Variants in KIF20B observed in about 807,000 individuals in gnomAD.
The protein encoded by KIF20B is kinesin family member 20B.
KIF20B carries 188 observed loss-of-function variants against 232.5 expected under a neutral mutation model. The observed-to-expected ratio is 0.81, with a 90% CI of 0.72 to 0.91. KIF20B has a LOEUF of 0.91. KIF20B is among the 40% of genes least tolerant of loss of function. KIF20B has a pLI of 0.00. For synonymous variants in KIF20B, 712 were observed against 683.0 expected (o/e 1.04, Z -0.66); for missense variants, 2,154 against 2,055.9 (o/e 1.05, Z -0.92).
intron 29 of KIF20B, 94 bp from the exon 30 acceptor site, chr10:89,768,196 T>G: frequency 2.6e-6 from 2 of 770,502 alleles, no homozygotes. Flanking sequence ...CTGTTTTAAG[T>G]GATAATGTAG....
chr10:89,736,732 GCA>G (rs1303162961), intron 19 of KIF20B, among the ~76,000 whole-genome samples: 1 of 152,064 alleles, frequency 6.6e-6, no homozygotes, highest in Admixed American at 6.6e-5. Context: ...TCTATCCAAT[GCA>G]CAGTGTCGTC....
chr10:89,756,196 C>T (rs1405052106), intron 26 of KIF20B, among the ~76,000 whole-genome samples: 1 of 152,164 alleles, frequency 6.6e-6, no homozygotes, highest in Non-Finnish European at 1.5e-5. Context: ...AAAAAGTTTA[C>T]TTTTTCATGA....
intron 7 of KIF20B, 85 bp from the exon 8 acceptor site, chr10:89,714,870 G>A (rs1038170849): frequency 4.7e-5 from 39 of 830,064 alleles, no homozygotes; most frequent in African/African-American, 3.8e-4. Context: ...GGTTTTTCAA[G>A]TGTGAGAATC....
At chr10:89,773,887 G>A (rs757168330) in intron 32 of KIF20B, 84 bp from the exon 33 acceptor site, 4 of 710,596 alleles carry the variant, frequency 5.6e-6, no homozygotes, top group Admixed American at 2.9e-5. Flanking sequence ...CTAAGCACAT[G>A]AACATGTCTT....
At chr10:89,719,102 A>AT (rs933980407) in intron 12 of KIF20B, among the ~76,000 whole-genome samples, 8 of 152,180 alleles carry the variant, frequency 5.3e-5, no homozygotes, top group Non-Finnish European at 8.8e-5. Flanking sequence ...ATTAATGAGT[A>AT]TTTTTGGAAT....
chr10:89,718,871 AAG>A lies in KIF20B; in HGVS notation c.1434_1434+1del. 1 of 1,521,880 alleles carries A rather than the reference AAG, an allele frequency of 6.6e-7. No homozygotes were observed. The highest frequency in any genetic ancestry group is 1.4e-5 in the African/African-American group (1 of 70,860). 94.3% of individuals were successfully genotyped at this position (1,521,880 alleles called of 1,614,324 possible). Reference sequence around the variant, plus strand: ...TTGAAGTTCTCCGCCATTGCACAAAAAGTAAATATTTATTTTATTAAGCCTCT... The same window carrying A: ...TTGAAGTTCTCCGCCATTGCACAAAATAAATATTTATTTTATTAAGCCTCT... On this transcript the variant is annotated splice_donor_variant and coding_sequence_variant, in exon 12 of 33. Transcript: ENST00000371728. LOFTEE classifies it high-confidence loss of function.
Position 89,711,064 on chromosome 10 carries a change from C to A in KIF20B, c.594C>A (p.Ser198=). The change falls in exon 6 of 33, where the codon TCC becomes TCA. Residue 198 remains serine (S), a synonymous_variant. Transcript: ENST00000371728. Reference sequence around the variant, plus strand: ...AGATGAACCTTAAACCACATAGATCCAGAGAATACTTAAGGTTATCATCAG... The same window carrying A: ...AGATGAACCTTAAACCACATAGATCAAGAGAATACTTAAGGTTATCATCAG... The part of the protein sequence containing the change: ...YTKMNLKPHR[S]REYLRLSSEQ... 1 of 1,606,474 alleles carries A rather than the reference C, an allele frequency of 6.2e-7. No individual in the cohort carries two copies. Among genetic ancestry groups the A allele is most frequent in the Non-Finnish European group, 8.5e-7 (1 of 1,175,348 alleles).
At chr10:89,768,536 T>C (rs1473332396) in intron 30 of KIF20B, 145 bp downstream of exon 30, 5 of 713,178 alleles carry the variant, frequency 7.0e-6, no homozygotes, top group Non-Finnish European at 1.2e-5. Flanking sequence ...ATCTACTTTA[T>C]GTGTTTACTT....
chr10:89,751,214 C>G, intron 23 of KIF20B, 132 bp from the exon 24 acceptor site: 1 of 668,118 alleles, frequency 1.5e-6, no homozygotes. Flanking sequence ...ATGAATAAGA[C>G]AAAGTTTCTG....
At position 89,709,248 on chromosome 10, in the gene KIF20B, T is replaced by C. The variant is rs140554027; in HGVS notation, c.229T>C (p.Ser77Pro). The C allele has an allele frequency of 1.3e-4, 202 of 1,607,034 alleles. 1 individual carries two copies. Among genetic ancestry groups the C allele is most frequent in the South Asian group, 1.0e-4 (9 of 89,836 alleles). ...PFTQSEKELE[S>P]EGCVHILDSQ... ...TACACAGTCAGAAAAAGAACTTGAG[T>C]CTGAGGTTTGTGTTGAATTTAATAG... is the stretch of plus-strand genomic sequence containing the variant. Residue 77 changes from serine (S) to proline (P), a missense_variant, in exon 3 of 33, where the codon TCT becomes CCT. Transcript: ENST00000371728.
At chr10:89,730,612 CA>C (rs1843298423) in intron 18 of KIF20B, among the ~76,000 whole-genome samples, 1 of 152,010 alleles carries the variant, frequency 6.6e-6, no homozygotes, top group African/African-American at 2.4e-5. Flanking sequence ...ATTGGCCTTC[CA>C]TGTACCAGAA....
At chr10:89,744,144 G>C (rs765311754) in intron 22 of KIF20B, among the ~76,000 whole-genome samples, 24 of 151,786 alleles carry the variant, frequency 1.6e-4, no homozygotes, top group Non-Finnish European at 3.2e-4. Flanking sequence ...CTATGGAAAA[G>C]AAAAAATAAT....
Position 89,768,869 on chromosome 10 carries a change from C to G in KIF20B, c.5223C>G (p.Pro1741=), listed in dbSNP as rs760655044. The change falls in exon 31 of 33, where the codon CCC becomes CCG. Residue 1741 remains proline (P), a synonymous_variant. Coordinates refer to ENST00000371728, the MANE Select transcript of KIF20B (RefSeq NM_001284259.2). ...QKFGDFLQHS[P]SILQSKAKKI... ...TTGGAGACTTCTTACAACATTCTCC[C>G]TCAATTCTTCAATCAAAAGGTTTGC... 2.1e-5 allele frequency: 34 copies of G among 1,591,444 alleles called. No individual in the cohort carries two copies. The South Asian group carries it at 3.6e-4, about 17-fold the overall frequency.
At chr10:89,764,359 G>A (rs994362573) in intron 29 of KIF20B, among the ~76,000 whole-genome samples, 39 of 152,196 alleles carry the variant, frequency 2.6e-4, no homozygotes, top group African/African-American at 8.4e-4. Context: ...ATAAACATAT[G>A]TGTGCATGTG....
rs1062465 is a variant in KIF20B at position 89,737,874 on chromosome 10, T to A, written c.3033T>A (p.Asp1011Glu). ...ISNIDLLNLR[D>E]LSNGSEEDNL... is the part of the protein sequence containing the mutation. ...ACATAGATTTGCTCAATCTCAGGGA[T>A]CTGTCAAATGGTTCTGAGGAGGATA... The change falls in exon 20 of 33, where the codon GAT (aspartate) becomes GAA (glutamate). Residue 1011 changes from aspartate to glutamate, a missense_variant. Coordinates refer to ENST00000371728, the MANE Select transcript of KIF20B (RefSeq NM_001284259.2). 420,736 of 1,612,820 alleles carry A rather than the reference T, an allele frequency of 0.26. 59,085 individuals carry two copies. The highest frequency in any genetic ancestry group is 0.46 in the African/African-American group (34,811 of 74,898).
intron 25 of KIF20B, among the ~76,000 whole-genome samples, chr10:89,753,861 G>A (rs183167669): frequency 2.0e-5 from 3 of 152,026 alleles, no homozygotes; most frequent in Non-Finnish European, 2.9e-5. Flanking sequence ...CTCGTGATCC[G>A]CCCACCTTGG....
At chr10:89,751,247 T>C in intron 23 of KIF20B, 99 bp from the exon 24 acceptor site, 1 of 958,988 alleles carries the variant, frequency 1.0e-6, no homozygotes, top group Non-Finnish European at 1.6e-6. Flanking sequence ...TAATATTCTA[T>C]TACAGTTAAT....
Position 89,709,661 on chromosome 10 carries a change from A to T in KIF20B, c.351+200A>T, listed in dbSNP as rs569918715. ...CTGTAGTGTTATTAAAGTTATTATT[A>T]CTATATTTTTATTAAAGTTATTATT... On this transcript the variant is annotated intron_variant, in intron 4 of 32. Coordinates refer to ENST00000371728, the MANE Select transcript of KIF20B (RefSeq NM_001284259.2). Among the ~76,000 whole-genome samples the T allele has an allele frequency of 1.1e-3, 172 of 151,404 alleles. 1 individual carries two copies. Among genetic ancestry groups the T allele is most frequent in the African/African-American group, 4.0e-3 (165 of 41,470 alleles).
rs1326268625 is a variant in KIF20B, at chr10:89,714,033, A to G, written c.676-14A>G. 2.2e-6 allele frequency: 3 copies of G among 1,341,678 alleles called. No homozygotes were observed. Among genetic ancestry groups the G allele is most frequent in the Non-Finnish European group, 3.0e-6 (3 of 987,326 alleles). 83.1% of individuals were successfully genotyped at this position (1,341,678 alleles called of 1,614,324 possible). ...AAATGTTTTTTTAATTTTTTAAAAC[A>G]ATCTTTTTTTTAGGTTACTGTGCAT... On this transcript the variant is annotated splice_polypyrimidine_tract_variant and intron_variant, in intron 6 of 32. Transcript: ENST00000371728.
Sources: gnomAD v4.1 joint callset for allele counts (sites outside exome capture counted in the v4.1 genomes callset) on GRCh38, gnomAD v4.1.1 for gene constraint, MANE v1.5 for transcripts, NCBI Gene and HGNC (gene_info 2026-07-23, HGNC 2026-07-21) for gene names.